The following CPPED1 variants were observed in gnomAD, a reference collection of about 807,000 sequenced individuals.
CPPED1 encodes serine/threonine-protein phosphatase CPPED1.
Under a neutral mutation model 28.0 loss-of-function variants are expected in CPPED1, and 28 were observed. The ratio of observed to expected loss-of-function variants is 1.00; its 90% CI spans 0.74 to 1.37. CPPED1 has a LOEUF of 1.37. CPPED1 is among the 40% of genes most tolerant of loss of function. CPPED1 has a pLI of 0.00. For synonymous variants in CPPED1, 198 were observed against 180.2 expected (o/e 1.10, Z -0.79); for missense variants, 504 against 416.5 (o/e 1.21, Z -1.83).
chr16:12,799,112 A>G (rs894420341), intron 1 of CPPED1, among the ~76,000 whole-genome samples: 16 of 152,158 alleles, frequency 1.1e-4, no homozygotes, highest in African/African-American at 3.6e-4. Context: ...ACACTTGGAA[A>G]ACAAACTGCT....
intron 1 of CPPED1, among the ~76,000 whole-genome samples, chr16:12,795,397 T>C (rs1285291851): frequency 6.6e-6 from 1 of 152,114 alleles, no homozygotes; most frequent in Admixed American, 6.5e-5. Context: ...TGGAGTACAG[T>C]GGCATGATCT....
At chr16:12,794,431 AT>A (rs932466555) in intron 1 of CPPED1, among the ~76,000 whole-genome samples, 24 of 150,286 alleles carry the variant, frequency 1.6e-4, no homozygotes, top group African/African-American at 5.7e-4. Context: ...AAAAAAAAAA[AT>A]AGTGTCCTTC....
At chr16:12,714,927 CTCT>C (rs2080099471) in intron 2 of CPPED1, among the ~76,000 whole-genome samples, 1 of 151,418 alleles carries the variant, frequency 6.6e-6, no homozygotes, top group Admixed American at 6.6e-5. Flanking sequence ...CTAGTTTTAG[CTCT>C]TCTTTGGGCT....
chr16:12,789,618 CG>C (rs1430552713), intron 1 of CPPED1, among the ~76,000 whole-genome samples: 24 of 152,184 alleles, frequency 1.6e-4, no homozygotes, highest in Middle Eastern at 3.4e-3. Flanking sequence ...TTCCACTTCC[CG>C]GGCTCAAGTG....
chr16:12,710,801 C>A (rs1220841669), intron 2 of CPPED1, among the ~76,000 whole-genome samples: 1 of 152,138 alleles, frequency 6.6e-6, no homozygotes, highest in Non-Finnish European at 1.5e-5. Context: ...CACTTCATAC[C>A]CATGAGGATA....
At chr16:12,689,217 C>CTTTTTTTTTTTT (rs869107040) in intron 3 of CPPED1, among the ~76,000 whole-genome samples, 4 of 83,588 alleles carry the variant, frequency 4.8e-5, no homozygotes, top group African/African-American at 2.0e-4. Flanking sequence ...GAAAAGAGGG[C>CTTTTTTTTTTTT]TTTTTTTTTT....
chr16:12,686,262 T>G, intron 3 of CPPED1, among the ~76,000 whole-genome samples: 1 of 151,204 alleles, frequency 6.6e-6, no homozygotes. Flanking sequence ...TGAGATGGGG[T>G]CTTGCTATGT....
At chr16:12,803,468 G>T (rs2080673013) in intron 1 of CPPED1, among the ~76,000 whole-genome samples, 2 of 152,160 alleles carry the variant, frequency 1.3e-5, no homozygotes, top group Non-Finnish European at 2.9e-5. Context: ...CCCTTCTCTG[G>T]GGGAAGTTAG....
At chr16:12,737,693 G>A (rs1014422524) in intron 2 of CPPED1, among the ~76,000 whole-genome samples, 1 of 152,248 alleles carries the variant, frequency 6.6e-6, no homozygotes, top group African/African-American at 2.4e-5. Flanking sequence ...GTGTGAGGCT[G>A]CAGTGGTCAG....
At chr16:12,756,050 G>A (rs1243696734) in intron 2 of CPPED1, among the ~76,000 whole-genome samples, 1 of 151,516 alleles carries the variant, frequency 6.6e-6, no homozygotes, top group African/African-American at 2.4e-5. Flanking sequence ...AGAATGGCGT[G>A]AACCCAGGAG....
intron 3 of CPPED1, among the ~76,000 whole-genome samples, chr16:12,701,030 T>G (rs968468594): frequency 6.6e-6 from 1 of 151,894 alleles, no homozygotes; most frequent in East Asian, 1.9e-4. Flanking sequence ...GAATTTGATA[T>G]CAGCCTGGGC....
intron 2 of CPPED1, among the ~76,000 whole-genome samples, chr16:12,716,110 A>T (rs2080105842): frequency 6.6e-6 from 1 of 152,202 alleles, no homozygotes; most frequent in South Asian, 2.1e-4. Flanking sequence ...TGTAAGCTTT[A>T]TTCTGCTTAA....
Position 12,709,874 on chromosome 16 carries a change from CAGGGAAGGA to C in CPPED1, c.290-4834_290-4826del, listed in dbSNP as rs1175721207. Among the ~76,000 whole-genome samples the C allele has an allele frequency of 7.0e-6, 1 of 143,014 alleles. No homozygotes were observed. Among genetic ancestry groups the C allele is most frequent in the African/African-American group, 2.6e-5 (1 of 37,990 alleles). The allele number at this position is 143,014 out of a possible 152,430, so 93.8% of individuals were successfully genotyped here. A position where few individuals can be genotyped will look rare whatever the true frequency, so the allele number is the denominator to read the frequency against. On this transcript the variant is annotated intron_variant, in intron 2 of 3. Transcript: ENST00000381774. This position sits in a 1 kb window ranked among gnomAD's most constrained non-coding sequence, Gnocchi z 4.4. ...TGCAATAGGCAGGCAGGCAGGCAGT[CAGGGAAGGA>C]AGGGAAGGAAGGGAAAGACGGGGGG...
At chr16:12,773,745 T>A (rs1183487037) in intron 2 of CPPED1, among the ~76,000 whole-genome samples, 3 of 151,982 alleles carry the variant, frequency 2.0e-5, no homozygotes. Context: ...TACATAAAAA[T>A]ACACAAATAA....
chr16:12,661,153 C>T lies in CPPED1; in HGVS notation c.*3733G>A, dbSNP rs1016227249. ...GTAAATGCAAATGATGTTTTGGCAA[C>T]CTTTTCTCAAAAGATTCTGCATTGG... On this transcript the variant is annotated 3_prime_UTR_variant, in exon 4 of 4. Transcript: ENST00000381774. 3.9e-5 allele frequency: 6 copies of T among 152,140 alleles called. No individual in the cohort carries two copies. The highest frequency in any genetic ancestry group is 1.2e-4 in the African/African-American group (5 of 41,420). The allele number at this position is 152,140 out of a possible 1,614,324, so 9.4% of individuals were successfully genotyped here.
chr16:12,663,687 G>T lies in CPPED1; in HGVS notation c.*1199C>A, dbSNP rs2079809208. ...TCTTTTAATTTAATAGACTTTGCAG[G>T]TCATGTGTAACCAGCTTTGGAAATC... is the stretch of plus-strand genomic sequence containing the variant. On this transcript the variant is annotated 3_prime_UTR_variant, in exon 4 of 4. Coordinates refer to ENST00000381774, the MANE Select transcript of CPPED1 (RefSeq NM_018340.3). 1 of 152,134 alleles carries T rather than the reference G, an allele frequency of 6.6e-6. No individual in the cohort carries two copies. The highest frequency in any genetic ancestry group is 1.5e-5 in the Non-Finnish European group (1 of 68,040). 9.4% of individuals were successfully genotyped at this position (152,134 alleles called of 1,614,324 possible).
At position 12,798,124 on chromosome 16, in the gene CPPED1, A is replaced by G. The variant is rs2080638400; in HGVS notation, c.70+5583T>C. On this transcript the variant is annotated intron_variant, in intron 1 of 3. Transcript: ENST00000381774. ...ATAAATAAATAAATAAATTTTTGAA[A>G]ATGAAAAACCCCGACATTCAAAAAT... is the stretch of plus-strand genomic sequence containing the variant. Among the ~76,000 whole-genome samples, 5 of 152,172 alleles carry G rather than the reference A, an allele frequency of 3.3e-5. 1 individual carries two copies.
chr16:12,766,277 G>GAGAGAGAGAGAGAGA (rs1567301044), intron 2 of CPPED1, among the ~76,000 whole-genome samples: 2 of 119,956 alleles, frequency 1.7e-5, no homozygotes, highest in African/African-American at 7.8e-5. Flanking sequence ...AGAGAGAGAG[G>GAGAGAGAGAGAGAGA]GAGAGAGAGA....
At position 12,704,715 on chromosome 16, in the gene CPPED1, C is replaced by G. The variant is rs1261929040; in HGVS notation, c.624G>C (p.Leu208=). 4 of 1,614,106 alleles carry G rather than the reference C, an allele frequency of 2.5e-6. No individual in the cohort carries two copies. The highest frequency in any genetic ancestry group is 3.4e-6 in the Non-Finnish European group (4 of 1,180,040). ...CGTCCTCGTCGATGCTCTCCAGGAACAGCGGGATGTGCTGGAAGACGATGG... is the reference window on the plus strand; with the variant it reads ...CGTCCTCGTCGATGCTCTCCAGGAAGAGCGGGATGTGCTGGAAGACGATGG... The part of the protein sequence containing the change: ...QHAIVFQHIP[L]FLESIDEDDD... The change falls in exon 3 of 4, where the codon CTG becomes CTC. Residue 208 remains leucine, a synonymous_variant. Transcript: ENST00000381774.
Sources: allele counts gnomAD v4.1 joint callset (sites outside exome capture counted in the v4.1 genomes callset), GRCh38; gene constraint gnomAD v4.1.1; non-coding constraint Gnocchi (gnomAD v3.1); transcripts MANE v1.5; gene names NCBI Gene and HGNC (gene_info 2026-07-23, HGNC 2026-07-21).